FIG4: variants seen among roughly 807,000 people sequenced by gnomAD.
FIG4 encodes polyphosphoinositide phosphatase.
FIG4 carries 112 observed loss-of-function variants against 118.6 expected under a neutral mutation model. The observed-to-expected ratio is 0.94, with a 90% CI of 0.81 to 1.11. FIG4 has a LOEUF of 1.11. Ranked by LOEUF, FIG4 falls within the 50% of genes least tolerant of loss-of-function variation. FIG4 has a pLI of 0.00. For synonymous variants in FIG4, 369 were observed against 381.2 expected (o/e 0.97, Z 0.37); for missense variants, 969 against 1,111.7 (o/e 0.87, Z 1.83).
At chr6:109,695,295 C>T (rs976262473) in intron 1 of FIG4, among the ~76,000 whole-genome samples, 3 of 152,062 alleles carry the variant, frequency 2.0e-5, no homozygotes, top group African/African-American at 7.2e-5. Flanking sequence ...AATGGGTGCC[C>T]TTTAAGGATT....
intron 13 of FIG4, among the ~76,000 whole-genome samples, chr6:109,764,481 A>G (rs1255104262): frequency 6.6e-6 from 1 of 151,978 alleles, no homozygotes; most frequent in East Asian, 1.9e-4. Context: ...CTGAAATAAT[A>G]TGTCCTATGG....
At chr6:109,746,579 A>G (rs1054703625) in intron 10 of FIG4, among the ~76,000 whole-genome samples, 1 of 152,096 alleles carries the variant, frequency 6.6e-6, no homozygotes, top group African/African-American at 2.4e-5. Context: ...GGTGAGGACA[A>G]GATGCTTGTT....
intron 16 of FIG4, among the ~76,000 whole-genome samples, chr6:109,777,870 C>G (rs1014714752): frequency 6.6e-6 from 1 of 152,168 alleles, no homozygotes; most frequent in Non-Finnish European, 1.5e-5. Flanking sequence ...AGTTCTGTGA[C>G]CTGGGTCGAG....
chr6:109,745,010 A>T (rs992575173), intron 10 of FIG4, among the ~76,000 whole-genome samples: 2 of 152,080 alleles, frequency 1.3e-5, no homozygotes, highest in African/African-American at 4.8e-5. Context: ...CATGGTGTAT[A>T]TGTGTCACAT....
At chr6:109,768,506 A>G (rs1024537640) in intron 15 of FIG4, among the ~76,000 whole-genome samples, 41 of 152,258 alleles carry the variant, frequency 2.7e-4, no homozygotes, top group African/African-American at 9.1e-4. Context: ...TTATCTCACA[A>G]TTTCTGTGCA....
At chr6:109,824,097 CA>C (rs200884819) in intron 22 of FIG4, among the ~76,000 whole-genome samples, 1,879 of 152,306 alleles carry the variant, frequency 0.012, 37 homozygotes, top group African/African-American at 0.043. Context: ...TGCATTTCAA[CA>C]AGGCCTTTCT....
At chr6:109,770,385 T>C (rs942218707) in intron 15 of FIG4, among the ~76,000 whole-genome samples, 3 of 152,230 alleles carry the variant, frequency 2.0e-5, no homozygotes, top group South Asian at 2.1e-4. Flanking sequence ...CATAAATATG[T>C]ACACCCACAT....
rs759608296 is a variant in FIG4, at chr6:109,763,889, A to G, written c.1389-48A>G. The G allele has an allele frequency of 6.6e-6, 8 of 1,213,120 alleles. No homozygotes were observed. In the East Asian group the frequency reaches 7.0e-5, roughly 11 times the overall value. 75.1% of individuals were successfully genotyped at this position (1,213,120 alleles called of 1,614,324 possible). ...CAAGGATCTGGTACTGAAAATAAAT[A>G]TGTATTCTGCCATTAAGTTTTTTAA... On this transcript the variant is annotated intron_variant, in intron 12 of 22. Coordinates refer to ENST00000230124, the MANE Select transcript of FIG4 (RefSeq NM_014845.6).
intron 10 of FIG4, among the ~76,000 whole-genome samples, chr6:109,754,462 G>A (rs1343659575): frequency 6.6e-6 from 1 of 152,224 alleles, no homozygotes; most frequent in Admixed American, 6.5e-5. Flanking sequence ...CATAAAATGA[G>A]TTAGGGAGGA....
chr6:109,813,854 T>C (rs1778787321), intron 22 of FIG4, among the ~76,000 whole-genome samples: 1 of 152,106 alleles, frequency 6.6e-6, no homozygotes, highest in African/African-American at 2.4e-5. Flanking sequence ...TAGTGAGAAA[T>C]TGGAGCCTGT....
chr6:109,754,653 C>T (rs9386841), intron 10 of FIG4, among the ~76,000 whole-genome samples: 15,533 of 152,044 alleles, frequency 0.1, 1,432 homozygotes, highest in African/African-American at 0.24. Flanking sequence ...TCAACTTCTT[C>T]CTGGTTTAGT....
chr6:109,726,693 T>G (rs1410989783), intron 3 of FIG4, among the ~76,000 whole-genome samples: 1 of 152,212 alleles, frequency 6.6e-6, no homozygotes, highest in African/African-American at 2.4e-5. Context: ...ATAAATACTT[T>G]GGGCAGTATG....
intron 1 of FIG4, among the ~76,000 whole-genome samples, chr6:109,706,702 GT>G (rs1370931811): frequency 6.6e-6 from 1 of 152,172 alleles, no homozygotes; most frequent in East Asian, 1.9e-4. Flanking sequence ...GACTGCTGTG[GT>G]CACTGTGTTA....
chr6:109,731,652 A>G lies in FIG4; in HGVS notation c.447-985A>G, dbSNP rs545761474. Among the ~76,000 whole-genome samples, 22 of 152,296 alleles carry G rather than the reference A, an allele frequency of 1.4e-4. No individual in the cohort carries two copies. In the East Asian group the frequency reaches 4.2e-3, roughly 29 times the overall value. On this transcript the variant is annotated intron_variant, in intron 4 of 22. Transcript: ENST00000230124. ...TAGAATTACGTAGCATTTACATTGTATTAGGTATTATAAGTAATCTGGAGG... is the reference window on the plus strand; with the variant it reads ...TAGAATTACGTAGCATTTACATTGTGTTAGGTATTATAAGTAATCTGGAGG...
intron 10 of FIG4, among the ~76,000 whole-genome samples, chr6:109,753,473 T>C (rs1301835242): frequency 3.9e-5 from 6 of 152,126 alleles, no homozygotes; most frequent in Admixed American, 1.3e-4. Flanking sequence ...TTTCCAATTC[T>C]GTGAAGAAAG....
At chr6:109,773,970 A>T (rs1777542026) in intron 15 of FIG4, among the ~76,000 whole-genome samples, 1 of 151,978 alleles carries the variant, frequency 6.6e-6, no homozygotes, top group Admixed American at 6.6e-5. Context: ...CACCATGCCC[A>T]GCTCATATTT....
At chr6:109,725,502 A>T (rs1775776136) in intron 3 of FIG4, among the ~76,000 whole-genome samples, 1 of 152,120 alleles carries the variant, frequency 6.6e-6, no homozygotes, top group Non-Finnish European at 1.5e-5. Context: ...CCAGTCTATC[A>T]TTGATGAGCA....
chr6:109,730,995 A>C (rs1445307352), intron 4 of FIG4, among the ~76,000 whole-genome samples: 1 of 152,204 alleles, frequency 6.6e-6, no homozygotes, highest in Non-Finnish European at 1.5e-5. Flanking sequence ...TATTATTTAG[A>C]ATGTGGGAAG....
At position 109,805,605 on chromosome 6, in the gene FIG4, C is replaced by A. The variant is rs971104380; in HGVS notation, c.2546+8754C>A. ...TTCTATTCCGTATGTGTGATGTCACCAAAATCCTAATTAAATCCTGAAATG... is the reference window on the plus strand; with the variant it reads ...TTCTATTCCGTATGTGTGATGTCACAAAAATCCTAATTAAATCCTGAAATG... On this transcript the variant is annotated intron_variant, in intron 22 of 22. Coordinates refer to ENST00000230124, the MANE Select transcript of FIG4 (RefSeq NM_014845.6). 5.3e-5 allele frequency among the ~76,000 whole-genome samples: 8 copies of A among 152,096 alleles called. No homozygotes were observed. In the East Asian group the frequency reaches 1.5e-3, roughly 29 times the overall value.
Sources: gnomAD v4.1 joint callset for allele counts (sites outside exome capture counted in the v4.1 genomes callset) on GRCh38, gnomAD v4.1.1 for gene constraint, MANE v1.5 for transcripts, NCBI Gene and HGNC (gene_info 2026-07-23, HGNC 2026-07-21) for gene names.